Variants in ZC3H12B observed in about 807,000 individuals in gnomAD.
ZC3H12B encodes zinc finger CCCH-type containing 12B.
A neutral mutation model predicts 43.9 loss-of-function variants in ZC3H12B; 7 were observed. The ratio of observed to expected loss-of-function variants is 0.16; its 90% CI spans 0.09 to 0.30. The LOEUF (loss-of-function observed/expected upper bound fraction) is 0.30. Among genes scored for constraint, ZC3H12B ranks in the 10% least tolerant of loss-of-function variants. ZC3H12B has a pLI of 1.00. For missense variants in ZC3H12B, 475 were observed against 670.2 expected (o/e 0.71, Z 3.22); for synonymous variants, 222 against 241.7 (o/e 0.92, Z 0.76).
the ZC3H12B span, among the ~76,000 whole-genome samples, chrX:65,305,529 G>A: frequency 9.0e-6 from 1 of 111,693 alleles, no homozygotes. Flanking sequence ...TATCTAGAAA[G>A]CATTTCTCCC....
the ZC3H12B span, among the ~76,000 whole-genome samples, chrX:65,133,973 T>G: frequency 1.8e-5 from 2 of 111,158 alleles, no homozygotes; most frequent in Non-Finnish European, 3.8e-5. Context: ...AAATCAAAAG[T>G]GCCATTTTCT....
the ZC3H12B span, among the ~76,000 whole-genome samples, chrX:65,341,800 A>G: frequency 9.0e-6 from 1 of 111,149 alleles, no homozygotes; most frequent in African/African-American, 3.3e-5. Flanking sequence ...CAACCACAAA[A>G]AAAAAAAAAT....
At chrX:65,231,762 C>T in the ZC3H12B span, among the ~76,000 whole-genome samples, 3 of 111,571 alleles carry the variant, frequency 2.7e-5, no homozygotes, top group East Asian at 2.8e-4. Context: ...TGCTGTTATT[C>T]TGTTCTTTTT....
intron 2 of ZC3H12B, among the ~76,000 whole-genome samples, chrX:65,398,268 A>G (rs921799170): frequency 8.9e-6 from 1 of 112,124 alleles, no homozygotes; most frequent in Non-Finnish European, 1.9e-5. Flanking sequence ...TAGAAAAACA[A>G]TTCTAAATTT....
chrX:65,367,884 G>T (rs190564782), intron 1 of ZC3H12B, among the ~76,000 whole-genome samples: 49 of 110,508 alleles, frequency 4.4e-4, no homozygotes, highest in Non-Finnish European at 4.5e-4. Flanking sequence ...GGCCTGATTT[G>T]GAGTTTGGAA....
chrX:65,472,368 A>C (rs1450898077), intron 3 of ZC3H12B, among the ~76,000 whole-genome samples: 2 of 103,206 alleles, frequency 1.9e-5, no homozygotes, highest in Non-Finnish European at 3.9e-5. Flanking sequence ...TGTTCCCTTT[A>C]CTGTACAGAA....
chrX:65,053,351 T>G, the ZC3H12B span, among the ~76,000 whole-genome samples: 5 of 110,697 alleles, frequency 4.5e-5, no homozygotes, highest in Admixed American at 2.9e-4. Flanking sequence ...AGTGAGAACA[T>G]GCGGTGTTTG....
chrX:65,094,229 C>A, the ZC3H12B span, among the ~76,000 whole-genome samples: 1 of 106,880 alleles, frequency 9.4e-6, no homozygotes, highest in Non-Finnish European at 1.9e-5. Context: ...GCTTCCTGTG[C>A]GGCCTGTGGA....
the ZC3H12B span, among the ~76,000 whole-genome samples, chrX:65,138,546 G>A: frequency 2.7e-5 from 3 of 112,046 alleles, no homozygotes; most frequent in African/African-American, 9.7e-5. Flanking sequence ...GAACATGGGA[G>A]TGTAGAAACT....
intron 3 of ZC3H12B, among the ~76,000 whole-genome samples, chrX:65,420,129 C>G (rs1392716551): frequency 7.2e-5 from 8 of 111,859 alleles, no homozygotes; most frequent in Admixed American, 6.6e-4. Context: ...AGGCCTATCC[C>G]AGCATTAGGC....
chrX:65,036,228 AACTT>A, the ZC3H12B span, among the ~76,000 whole-genome samples: 1 of 111,565 alleles, frequency 9.0e-6, no homozygotes, highest in Non-Finnish European at 1.9e-5. Flanking sequence ...TGGTTGAAAA[AACTT>A]ACAGTCCACA....
chrX:65,330,484 A>C, the ZC3H12B span, among the ~76,000 whole-genome samples: 1 of 110,976 alleles, frequency 9.0e-6, no homozygotes, highest in Non-Finnish European at 1.9e-5. Flanking sequence ...TCTTGTGCCA[A>C]TTTTCAAAGG....
the ZC3H12B span, among the ~76,000 whole-genome samples, chrX:65,311,077 T>C: frequency 2.7e-5 from 3 of 112,064 alleles, no homozygotes; most frequent in African/African-American, 6.5e-5. Context: ...ATTCAGGACA[T>C]AGGCATGGGC....
At chrX:65,067,486 G>T in the ZC3H12B span, among the ~76,000 whole-genome samples, 2 of 110,011 alleles carry the variant, frequency 1.8e-5, no homozygotes, top group Admixed American at 1.9e-4. Flanking sequence ...TGTCTAACCA[G>T]TCCCAGTGAG....
At chrX:65,158,646 G>C in the ZC3H12B span, among the ~76,000 whole-genome samples, 4 of 111,196 alleles carry the variant, frequency 3.6e-5, no homozygotes, top group Admixed American at 1.9e-4. Context: ...AAATTTGTTT[G>C]AGTTCATTGT....
At chrX:65,454,499 AGCCCAC>A (rs777406486) in intron 3 of ZC3H12B, among the ~76,000 whole-genome samples, 31 of 112,148 alleles carry the variant, frequency 2.8e-4, no homozygotes, top group African/African-American at 9.4e-4. Context: ...AACTGGGTGG[AGCCCAC>A]CACAGCTCAA....
At chrX:65,193,460 C>T in the ZC3H12B span, among the ~76,000 whole-genome samples, 3 of 111,514 alleles carry the variant, frequency 2.7e-5, no homozygotes, top group East Asian at 8.4e-4. Flanking sequence ...AATCCTTTTA[C>T]TTTCTGAAGT....
upstream of ZC3H12B, among the ~76,000 whole-genome samples, chrX:65,366,437 C>T (rs2066176527): frequency 8.9e-6 from 1 of 112,128 alleles, no homozygotes. Flanking sequence ...CATTGCTATG[C>T]CACATTTATT....
the ZC3H12B span, among the ~76,000 whole-genome samples, chrX:65,351,972 T>C: frequency 8.9e-6 from 1 of 112,340 alleles, no homozygotes; most frequent in African/African-American, 3.2e-5. Context: ...ACTGGGTATA[T>C]ACCCAAATGA....
Sources: gnomAD v4.1 joint callset for allele counts (sites outside exome capture counted in the v4.1 genomes callset) on GRCh38, gnomAD v4.1.1 for gene constraint, MANE v1.5 for transcripts, NCBI Gene and HGNC (gene_info 2026-07-23, HGNC 2026-07-21) for gene names.